Variants in ATF2 observed in about 807,000 individuals in gnomAD.
ATF2 encodes activating transcription factor 2.
A neutral mutation model predicts 60.6 loss-of-function variants in ATF2; 24 were observed. The ratio of observed to expected loss-of-function variants is 0.40; its 90% CI spans 0.29 to 0.56. The LOEUF (loss-of-function observed/expected upper bound fraction) is 0.56. Among genes scored for constraint, ATF2 ranks in the 20% least tolerant of loss-of-function variants. The pLI is 0.54. For missense variants in ATF2, 433 were observed against 607.7 expected, an observed-to-expected ratio of 0.71 and a Z score of 3.02; for synonymous variants, 206 against 215.4, an observed-to-expected ratio of 0.96 and a Z score of 0.38.
intron 10 of ATF2, among the ~76,000 whole-genome samples, chr2:175,110,597 TTTTTA>T (rs776370992): frequency 7.9e-5 from 12 of 152,058 alleles, no homozygotes; most frequent in South Asian, 4.1e-4. Flanking sequence ...ATTACACTGA[TTTTTA>T]TTTTATTTTA....
At chr2:175,094,422 A>AAAAAAAAAAAAG (rs1694774448) in intron 11 of ATF2, among the ~76,000 whole-genome samples, 1 of 147,114 alleles carries the variant, frequency 6.8e-6, no homozygotes, top group Non-Finnish European at 1.5e-5. Context: ...AAAAAAAAAA[A>AAAAAAAAAAAAG]AAAAAAAGAA....
At chr2:175,147,239 T>C (rs1040258268) in intron 2 of ATF2, among the ~76,000 whole-genome samples, 2 of 152,200 alleles carry the variant, frequency 1.3e-5, no homozygotes, top group African/African-American at 4.8e-5. Flanking sequence ...AATATTCCCA[T>C]GTCATTTTTA....
intron 1 of ATF2, among the ~76,000 whole-genome samples, chr2:175,155,433 G>A (rs1699611720): frequency 6.6e-6 from 1 of 152,162 alleles, no homozygotes; most frequent in South Asian, 2.1e-4. Flanking sequence ...TTAAGAATTG[G>A]TGTTCTGCTT....
chr2:175,145,100 T>C (rs947758739), intron 2 of ATF2, among the ~76,000 whole-genome samples: 1 of 152,108 alleles, frequency 6.6e-6, no homozygotes, highest in Non-Finnish European at 1.5e-5. Flanking sequence ...TACAGAAATA[T>C]AGATGTTAAT....
chr2:175,100,027 G>C (rs930656626), intron 10 of ATF2, among the ~76,000 whole-genome samples: 1 of 152,168 alleles, frequency 6.6e-6, no homozygotes, highest in African/African-American at 2.4e-5. Flanking sequence ...ACTTCTTTAT[G>C]AATTATAAAA....
At chr2:175,084,148 T>C (rs1693969834) in intron 12 of ATF2, among the ~76,000 whole-genome samples, 3 of 152,132 alleles carry the variant, frequency 2.0e-5, no homozygotes, top group African/African-American at 4.8e-5. Flanking sequence ...ACTGGGTATA[T>C]ACCCAAAGGA....
intron 10 of ATF2, among the ~76,000 whole-genome samples, chr2:175,106,160 G>C (rs908684569): frequency 6.6e-6 from 1 of 152,096 alleles, no homozygotes; most frequent in African/African-American, 2.4e-5. Flanking sequence ...ATAAAGGCAA[G>C]CTACACACTA....
rs17223647 is a variant in ATF2, at chr2:175,093,160, A to G, written c.1086T>C (p.Asn362=). The G allele has an allele frequency of 1.2e-6, 2 of 1,614,132 alleles. No homozygotes were observed. The highest frequency in any genetic ancestry group is 1.7e-6 in the Non-Finnish European group (2 of 1,180,010). ...GTCGGCATCTTGAAGCTGCTGCTCT[A>G]TTTCGCTCTAAAAACTTTCTCCTTT... ...DEKRRKFLER[N]RAAASRCRQK... Residue 362 remains asparagine, a synonymous_variant, in exon 12 of 14, where the codon AAT becomes AAC. Coordinates refer to ENST00000264110, the MANE Select transcript of ATF2 (RefSeq NM_001880.4).
At position 175,146,133 on chromosome 2, in the gene ATF2, T is replaced by C. The variant is rs187756420; in HGVS notation, c.-44+4927A>G. ...ACTTCTATAATAGTCATGCCAAAGATATAGAACCTGTATCTAATAATGAAG... is the reference window on the plus strand; with the variant it reads ...ACTTCTATAATAGTCATGCCAAAGACATAGAACCTGTATCTAATAATGAAG... On this transcript the variant is annotated intron_variant, in intron 2 of 13. Coordinates refer to ENST00000264110, the MANE Select transcript of ATF2 (RefSeq NM_001880.4). 2.1e-4 allele frequency among the ~76,000 whole-genome samples: 32 copies of C among 152,256 alleles called. No individual in the cohort carries two copies. The East Asian group carries it at 5.6e-3, about 27-fold the overall frequency.
Position 175,081,042 on chromosome 2 carries a change from T to C in ATF2, c.1186-277A>G, listed in dbSNP as rs181881852. ...TTCCCTGGGACTTCTTATATATTAT[T>C]GGTGACCTGTTGAAAGTATTTTTAT... On this transcript the variant is annotated intron_variant, in intron 12 of 13. Transcript: ENST00000264110. Among the ~76,000 whole-genome samples, 901 of 152,294 alleles carry C rather than the reference T, an allele frequency of 5.9e-3. 3 individuals are homozygous for C. Among genetic ancestry groups the C allele is most frequent in the African/African-American group, 0.02 (828 of 41,580 alleles).
chr2:175,108,008 G>T (rs1695820383), intron 10 of ATF2, among the ~76,000 whole-genome samples: 1 of 152,106 alleles, frequency 6.6e-6, no homozygotes, highest in African/African-American at 2.4e-5. Flanking sequence ...GAAGTGAGGA[G>T]CGTCTCTGCC....
At chr2:175,143,182 T>C (rs1259136653) in intron 2 of ATF2, among the ~76,000 whole-genome samples, 1 of 152,158 alleles carries the variant, frequency 6.6e-6, no homozygotes, top group Non-Finnish European at 1.5e-5. Context: ...AATACTACCA[T>C]TCAGAGATAA....
chr2:175,161,763 CTTTT>C (rs10710666), intron 1 of ATF2, among the ~76,000 whole-genome samples: 3 of 134,556 alleles, frequency 2.2e-5, no homozygotes, highest in Non-Finnish European at 4.9e-5. Flanking sequence ...GAAAGTAACT[CTTTT>C]TTTTTTTTTT....
At chr2:175,091,714 T>G (rs1175472864) in intron 12 of ATF2, among the ~76,000 whole-genome samples, 7 of 151,902 alleles carry the variant, frequency 4.6e-5, no homozygotes, top group African/African-American at 1.7e-4. Context: ...AATACAAAAA[T>G]TAGCCGGGTG....
At chr2:175,084,257 T>C (rs538126982) in intron 12 of ATF2, among the ~76,000 whole-genome samples, 68 of 152,074 alleles carry the variant, frequency 4.5e-4, no homozygotes, top group Middle Eastern at 6.8e-3. Flanking sequence ...TGTCCAACGA[T>C]GATAGACTGG....
intron 13 of ATF2, among the ~76,000 whole-genome samples, chr2:175,079,394 T>C (rs1439948121): frequency 1.3e-5 from 2 of 152,146 alleles, no homozygotes; most frequent in African/African-American, 4.8e-5. Flanking sequence ...GTAGCTTCTA[T>C]AGGAAATTAT....
At chr2:175,105,544 T>G (rs1695596980) in intron 10 of ATF2, among the ~76,000 whole-genome samples, 1 of 152,182 alleles carries the variant, frequency 6.6e-6, no homozygotes, top group African/African-American at 2.4e-5. Context: ...ATGTAACAAT[T>G]GATAGAAATA....
At chr2:175,114,578 A>G (rs1696421107) in intron 8 of ATF2, 112 bp downstream of exon 8, 1 of 1,488,658 alleles carries the variant, frequency 6.7e-7, no homozygotes, top group East Asian at 2.3e-5. Context: ...CGAAGCATGC[A>G]CACACATACA....
intron 10 of ATF2, among the ~76,000 whole-genome samples, chr2:175,099,476 A>G (rs900389221): frequency 1.3e-5 from 2 of 152,110 alleles, no homozygotes; most frequent in Non-Finnish European, 2.9e-5. Context: ...GTTTTACCAC[A>G]ATAAAATCCT....
Sources: gnomAD v4.1 joint callset for allele counts (sites outside exome capture counted in the v4.1 genomes callset) on GRCh38, gnomAD v4.1.1 for gene constraint, MANE v1.5 for transcripts, NCBI Gene and HGNC (gene_info 2026-07-23, HGNC 2026-07-21) for gene names.